Variants in TJP1 observed in about 807,000 individuals in gnomAD.
TJP1 encodes tight junction protein 1.
Under a neutral mutation model 194.2 loss-of-function variants are expected in TJP1, and 43 were observed. That is an observed-to-expected ratio of 0.22 (90% CI 0.17 to 0.29). The LOEUF is 0.29. TJP1 is among the 10% of genes least tolerant of loss of function. The pLI, the probability that TJP1 is intolerant of heterozygous loss-of-function variation, is 1.00. For synonymous variants in TJP1, 801 were observed against 779.0 expected (o/e 1.03, Z -0.47); for missense variants, 1,971 against 2,185.7 (o/e 0.90, Z 1.96).
rs114544192 is a variant in TJP1 at position 29,955,591 on chromosome 15, A to G, written c.306+641T>C. 4.5e-3 allele frequency among the ~76,000 whole-genome samples: 683 copies of G among 151,818 alleles called. 6 individuals are homozygous for G. Among genetic ancestry groups the G allele is most frequent in the African/African-American group, 0.016 (660 of 41,394 alleles). ...CATAGTGAGACCCCATATCTACAAA[A>G]TATTAAAAAACTAGCCAGGCATAGT... On this transcript the variant is annotated intron_variant, in intron 2 of 28. Coordinates refer to the TJP1 transcript ENST00000356107.
chr15:29,910,231 G>A (rs2053970939), intron 2 of TJP1, among the ~76,000 whole-genome samples: 1 of 152,172 alleles, frequency 6.6e-6, no homozygotes, highest in Non-Finnish European at 1.5e-5. Context: ...ACAGAAACCT[G>A]AGAAGAAATA....
intron 1 of TJP1, among the ~76,000 whole-genome samples, chr15:29,809,781 C>T (rs1314520964): frequency 6.6e-6 from 1 of 151,612 alleles, no homozygotes; most frequent in Non-Finnish European, 1.5e-5. Context: ...GGGAGGCAGA[C>T]GTTACAGTGA....
intron 2 of TJP1, among the ~76,000 whole-genome samples, chr15:29,884,747 G>GA (rs2053057971): frequency 6.6e-6 from 1 of 152,152 alleles, no homozygotes; most frequent in South Asian, 2.1e-4. Context: ...ACTGAGCGGA[G>GA]ATGAGACATT....
intron 1 of TJP1, among the ~76,000 whole-genome samples, chr15:29,802,914 C>T (rs945077698): frequency 1.3e-5 from 2 of 152,112 alleles, no homozygotes; most frequent in Non-Finnish European, 2.9e-5. Flanking sequence ...TGGTATGAAA[C>T]AGTTCATCAT....
intron 2 of TJP1, among the ~76,000 whole-genome samples, chr15:29,940,888 G>A (rs558334230): frequency 3.6e-4 from 55 of 151,650 alleles, no homozygotes; most frequent in Middle Eastern, 6.8e-3. Context: ...CCCCACCCTC[G>A]CCCCTGCCCC....
intron 2 of TJP1, among the ~76,000 whole-genome samples, chr15:29,860,625 A>G (rs1187950099): frequency 6.6e-6 from 1 of 152,166 alleles, no homozygotes; most frequent in East Asian, 1.9e-4. Context: ...TTTATGGGTG[A>G]ACAATAGTAT....
chr15:29,849,130 G>T (rs1212744642), intron 2 of TJP1, among the ~76,000 whole-genome samples: 2 of 152,040 alleles, frequency 1.3e-5, no homozygotes, highest in Admixed American at 1.3e-4. Context: ...GTTTTGAGTA[G>T]GTTTTGTTGA....
rs1406936700 is a variant in TJP1 at position 29,953,139 on chromosome 15, G to GTTTTTT, written c.306+3092_306+3093insAAAAAA. ...CTTCCTTCTTTCATAAAAGAAGACA[G>GTTTTTT]ATTTTTTTTTTTTTTTTTTTGCAAC... On this transcript the variant is annotated intron_variant, in intron 2 of 28. Transcript: ENST00000356107. Among the ~76,000 whole-genome samples the GTTTTTT allele has an allele frequency of 3.2e-3, 209 of 64,742 alleles. 4 individuals carry two copies. The highest frequency in any genetic ancestry group is 0.032 in the Admixed American group (186 of 5,878). The allele number at this position is 64,742 out of a possible 152,430, so 42.5% of individuals were successfully genotyped here.
Position 29,810,995 on chromosome 15 carries a change from G to A in TJP1, c.28-10293C>T, listed in dbSNP as rs147269228. Among the ~76,000 whole-genome samples the A allele has an allele frequency of 2.6e-4, 40 of 152,148 alleles. 2 individuals carry two copies. In the East Asian group the frequency reaches 5.4e-3, roughly 21 times the overall value. ...AACCAAATGATCGAAAAACTCCATG[G>A]CTAAATATATAGTCACAAAGTTAAA... On this transcript the variant is annotated intron_variant, in intron 1 of 27. Coordinates refer to ENST00000614355, the MANE Select transcript of TJP1 (RefSeq NM_001330239.4).
intron 2 of TJP1, among the ~76,000 whole-genome samples, chr15:29,849,150 A>T (rs2051536684): frequency 6.6e-6 from 1 of 152,138 alleles, no homozygotes; most frequent in African/African-American, 2.4e-5. Flanking sequence ...AATAACTAGT[A>T]GGCTTGACCC....
intron 2 of TJP1, chr15:29,956,105 G>A: frequency 1.3e-6 from 1 of 795,416 alleles, no homozygotes; most frequent in Non-Finnish European, 1.6e-6. Flanking sequence ...AAACTGTTGG[G>A]TGAACCATTT....
At chr15:29,831,539 G>A (rs2050836220) in intron 2 of TJP1, among the ~76,000 whole-genome samples, 1 of 152,190 alleles carries the variant, frequency 6.6e-6, no homozygotes, top group South Asian at 2.1e-4. Context: ...ACGGATGTGG[G>A]AGGGCCTATA....
At chr15:29,962,127 T>C (rs2056186172) in intron 1 of TJP1, among the ~76,000 whole-genome samples, 1 of 152,158 alleles carries the variant, frequency 6.6e-6, no homozygotes, top group African/African-American at 2.4e-5. Context: ...CTGACAGAGA[T>C]ACAAATTTTC....
At chr15:29,732,203 A>C (rs1327883705) in intron 15 of TJP1, 15 of 537,794 alleles carry the variant, frequency 2.8e-5, no homozygotes, top group Non-Finnish European at 4.9e-5. Flanking sequence ...TATGTTATGC[A>C]ATTTTCATAT....
At chr15:29,921,354 C>T (rs987251709) in intron 2 of TJP1, among the ~76,000 whole-genome samples, 1 of 152,234 alleles carries the variant, frequency 6.6e-6, no homozygotes, top group Non-Finnish European at 1.5e-5. Flanking sequence ...AAGGTATCTA[C>T]ACCTAAACCC....
intron 2 of TJP1, among the ~76,000 whole-genome samples, chr15:29,881,276 C>T (rs1397628207): frequency 2.6e-5 from 4 of 152,132 alleles, no homozygotes; most frequent in Admixed American, 6.5e-5. Context: ...GTCCTTTGCC[C>T]GTTTTTAAAT....
intron 2 of TJP1, among the ~76,000 whole-genome samples, chr15:29,891,641 T>C (rs1224991608): frequency 6.6e-6 from 1 of 152,250 alleles, no homozygotes; most frequent in African/African-American, 2.4e-5. Context: ...TCAAACTTTT[T>C]CATCGTTCTT....
At chr15:29,898,598 C>G (rs2053547074) in intron 2 of TJP1, among the ~76,000 whole-genome samples, 2 of 152,122 alleles carry the variant, frequency 1.3e-5, no homozygotes, top group Admixed American at 1.3e-4. Context: ...ATGGTTATTA[C>G]ATAATGCTAA....
intron 2 of TJP1, among the ~76,000 whole-genome samples, chr15:29,795,706 C>T (rs2048359599): frequency 6.6e-6 from 1 of 151,970 alleles, no homozygotes; most frequent in South Asian, 2.1e-4. Context: ...ATACCAAAAC[C>T]AGATATAAAC....
Sources: allele counts gnomAD v4.1 joint callset (sites outside exome capture counted in the v4.1 genomes callset), GRCh38; gene constraint gnomAD v4.1.1; transcripts MANE v1.5; gene names NCBI Gene and HGNC (gene_info 2026-07-23, HGNC 2026-07-21).